The following ADGRG2 variants were observed in gnomAD, a reference collection of about 807,000 sequenced individuals.
ADGRG2 encodes the protein G protein-coupled receptor 64.
A neutral mutation model predicts 74.1 loss-of-function variants in ADGRG2; 26 were observed. The ratio of observed to expected loss-of-function variants is 0.35; its 90% CI spans 0.26 to 0.49. The LOEUF (loss-of-function observed/expected upper bound fraction) is 0.49, where lower values mean the gene tolerates loss of function less well. Ranked by LOEUF, ADGRG2 falls within the 20% of genes least tolerant of loss-of-function variation. The probability of loss-of-function intolerance (pLI) is 0.99; values close to 1 mark genes in which losing one functional copy is unlikely to be tolerated. For missense variants in ADGRG2, 619 were observed against 763.1 expected (o/e 0.81, Z 2.22); for synonymous variants, 296 against 295.2 (o/e 1.00, Z -0.03).
At chrX:19,097,469 C>CCACTG (rs1163215824) in intron 1 of ADGRG2, among the ~76,000 whole-genome samples, 4 of 112,478 alleles carry the variant, frequency 3.6e-5, no homozygotes, top group Non-Finnish European at 7.5e-5. Context: ...CGAGATAGCG[C>CCACTG]CACTGCACTT....
At chrX:19,014,991 T>A (rs1431668737) in intron 15 of ADGRG2, among the ~76,000 whole-genome samples, 1 of 111,761 alleles carries the variant, frequency 8.9e-6, no homozygotes, top group African/African-American at 3.3e-5. Flanking sequence ...CCTCTGTGTT[T>A]GATTCAGCTG....
intron 24 of ADGRG2, among the ~76,000 whole-genome samples, chrX:19,001,414 C>T (rs757648684): frequency 8.9e-6 from 1 of 112,127 alleles, no homozygotes; most frequent in Non-Finnish European, 1.9e-5. Flanking sequence ...TTCCTTGTCA[C>T]AGACCAGTTG....
intron 1 of ADGRG2, among the ~76,000 whole-genome samples, chrX:19,103,752 G>C (rs1466416301): frequency 3.6e-5 from 4 of 111,678 alleles, no homozygotes; most frequent in African/African-American, 1.3e-4. Flanking sequence ...AGAAACAGGA[G>C]TCTGGCCTGG....
intron 1 of ADGRG2, among the ~76,000 whole-genome samples, chrX:19,105,462 A>G (rs1322405846): frequency 9.0e-6 from 1 of 111,200 alleles, no homozygotes; most frequent in Non-Finnish European, 1.9e-5. Flanking sequence ...CATCATTCTC[A>G]GCAAACTAAC....
intron 3 of ADGRG2, among the ~76,000 whole-genome samples, chrX:19,067,776 T>C (rs765175089): frequency 8.6e-4 from 96 of 112,075 alleles, no homozygotes; most frequent in Non-Finnish European, 4.5e-4. Flanking sequence ...CACAAAGAAC[T>C]TCAAAACTCA....
At chrX:19,109,445 A>G (rs1404784566) in intron 1 of ADGRG2, among the ~76,000 whole-genome samples, 1 of 111,635 alleles carries the variant, frequency 9.0e-6, no homozygotes. Flanking sequence ...TTCAAATAAT[A>G]CCTCAAAGGG....
At chrX:19,017,412 A>C (rs1006126004) in intron 15 of ADGRG2, among the ~76,000 whole-genome samples, 8 of 111,962 alleles carry the variant, frequency 7.1e-5, no homozygotes, top group African/African-American at 2.3e-4. Context: ...ACTGGACATC[A>C]GTTTCACATC....
chrX:19,046,704 G>C, intron 3 of ADGRG2, among the ~76,000 whole-genome samples: 1 of 111,879 alleles, frequency 8.9e-6, no homozygotes, highest in Middle Eastern at 4.6e-3. Flanking sequence ...AGCAAAGGGG[G>C]GAGGTAATAT....
chrX:19,040,107 C>T (rs1433642221), intron 4 of ADGRG2, 82 bp downstream of exon 4: 46 of 658,617 alleles, frequency 7.0e-5, no homozygotes, highest in Non-Finnish European at 4.9e-5. Context: ...TTTGTTGTAC[C>T]TGACTACATG....
chrX:18,993,165 A>G (rs759314372), intron 28 of ADGRG2, among the ~76,000 whole-genome samples: 3 of 111,511 alleles, frequency 2.7e-5, no homozygotes, highest in Admixed American at 9.6e-5. Context: ...ACTGGGGGCA[A>G]TCTTGCTCCC....
intron 1 of ADGRG2, among the ~76,000 whole-genome samples, chrX:19,118,779 T>C (rs138972664): frequency 5.1e-4 from 57 of 112,279 alleles, no homozygotes; most frequent in Non-Finnish European, 1.0e-3. Context: ...CAAAAAGCCA[T>C]ATGTGAATAT....
intron 2 of ADGRG2, among the ~76,000 whole-genome samples, chrX:19,069,450 G>T (rs886162374): frequency 1.8e-5 from 2 of 110,793 alleles, no homozygotes; most frequent in Admixed American, 9.6e-5. Flanking sequence ...GAAATATTGG[G>T]TAGAAGAGTG....
At chrX:19,083,356 T>C (rs1274553612) in intron 1 of ADGRG2, among the ~76,000 whole-genome samples, 2 of 110,158 alleles carry the variant, frequency 1.8e-5, no homozygotes, top group Non-Finnish European at 3.8e-5. Flanking sequence ...ACTGTTCAGT[T>C]GAAGACTTCA....
chrX:19,122,169 C>T (rs893416825), intron 1 of ADGRG2, among the ~76,000 whole-genome samples: 9 of 112,764 alleles, frequency 8.0e-5, no homozygotes, highest in African/African-American at 2.9e-4. Flanking sequence ...ACGCGCGTCT[C>T]CCCTTGGAGC....
chrX:19,086,581 C>T (rs937765091), intron 1 of ADGRG2, among the ~76,000 whole-genome samples: 14 of 111,306 alleles, frequency 1.3e-4, no homozygotes, highest in African/African-American at 3.9e-4. Context: ...AGTTCAGGGC[C>T]GCTCACAGGG....
rs149083963 is a variant in ADGRG2, at chrX:19,009,556, T to A, written c.1422+70A>T. Reference sequence around the variant, plus strand: ...TGACTATAAGCAGTAATTGCCTCAATCATGAAATACAATGGGGACTACAAT... The same window carrying A: ...TGACTATAAGCAGTAATTGCCTCAAACATGAAATACAATGGGGACTACAAT... On this transcript the variant is annotated intron_variant, in intron 18 of 28. Transcript: ENST00000379869. 163 of 976,461 alleles carry A rather than the reference T, an allele frequency of 1.7e-4. No individual in the cohort carries two copies. The African/African-American group carries it at 2.7e-3, about 16-fold the overall frequency. The allele number at this position is 976,461 out of a possible 1,213,427, so 80.5% of individuals were successfully genotyped here. A position where few individuals can be genotyped will look rare whatever the true frequency, so the allele number is the denominator to read the frequency against.
chrX:18,999,978 T>C lies in ADGRG2; in HGVS notation c.2231-18A>G, dbSNP rs774782254. 5.4e-6 allele frequency: 5 copies of C among 929,094 alleles called. No individual in the cohort carries two copies. Among genetic ancestry groups the C allele is most frequent in the Non-Finnish European group, 6.2e-6 (4 of 647,685 alleles). The allele number at this position is 929,094 out of a possible 1,213,427, so 76.6% of individuals were successfully genotyped here. On this transcript the variant is annotated intron_variant, in intron 24 of 28. Transcript: ENST00000379869. ...TGGTACCCCTGGAAGATGGGAAACA[T>C]TGGTCACACCTAATTTTTTTTTTTT... is the stretch of plus-strand genomic sequence containing the variant.
intron 14 of ADGRG2, 150 bp downstream of exon 14, chrX:19,020,954 C>CA (rs759719047): frequency 0.15 from 52,867 of 360,998 alleles, 1,970 homozygotes; most frequent in East Asian, 0.32. Flanking sequence ...GACTCTGCCT[C>CA]AAAAAAAAAA....
In ADGRG2 at chrX:19,082,995, GTGTTTTGTTT is replaced by G. The variant is rs766490497; in HGVS notation, c.-46-259_-46-250del. On this transcript the variant is annotated intron_variant, in intron 1 of 28. Transcript: ENST00000379869. ...CAGTTTGGGGACTGATCTTGTTAAT[GTGTTTTGTTT>G]TGTTTTGTTTTGTTTTGAGACGGAG... Among the ~76,000 whole-genome samples, 9 of 110,090 alleles carry G rather than the reference GTGTTTTGTTT, an allele frequency of 8.2e-5. No homozygotes were observed. In the East Asian group the frequency reaches 2.0e-3, roughly 25 times the overall value.
Sources: gnomAD v4.1 joint callset for allele counts (sites outside exome capture counted in the v4.1 genomes callset) on GRCh38, gnomAD v4.1.1 for gene constraint, MANE v1.5 for transcripts, NCBI Gene and HGNC (gene_info 2026-07-23, HGNC 2026-07-21) for gene names.